The following DPP10 variants were observed in gnomAD, a reference collection of about 807,000 sequenced individuals.
DPP10 encodes the protein inactive dipeptidyl peptidase 10.
In DPP10, 33 loss-of-function variants were observed where a neutral mutation model predicts 120.9. The ratio of observed to expected loss-of-function variants is 0.27; its 90% CI spans 0.21 to 0.37. The LOEUF (loss-of-function observed/expected upper bound fraction) is 0.37, where lower values mean the gene tolerates loss of function less well. DPP10 is among the 10% of genes least tolerant of loss of function. The pLI, the probability that DPP10 is intolerant of heterozygous loss-of-function variation, is 1.00. For missense variants in DPP10, 816 were observed against 942.8 expected, an observed-to-expected ratio of 0.87 and a Z score of 1.76; for synonymous variants, 337 against 326.1, an observed-to-expected ratio of 1.03 and a Z score of -0.36.
intron 1 of DPP10, among the ~76,000 whole-genome samples, chr2:114,654,216 C>T (rs1028620272): frequency 1.3e-5 from 2 of 152,162 alleles, no homozygotes; most frequent in Admixed American, 1.3e-4. Context: ...GTTTCTGCTT[C>T]TACTTAGGTT....
At chr2:115,647,499 A>G (rs1209469278) in intron 5 of DPP10, among the ~76,000 whole-genome samples, 1 of 152,152 alleles carries the variant, frequency 6.6e-6, no homozygotes, top group Non-Finnish European at 1.5e-5. Context: ...AAATGTTTAA[A>G]CAATAACAAG....
At chr2:114,680,288 T>G (rs924616223) in intron 1 of DPP10, among the ~76,000 whole-genome samples, 6 of 152,020 alleles carry the variant, frequency 3.9e-5, no homozygotes, top group East Asian at 3.9e-4. Context: ...GTTTATGATT[T>G]TGTAATCACT....
At chr2:114,732,945 CTCTA>C (rs1677058096) in intron 1 of DPP10, among the ~76,000 whole-genome samples, 1 of 152,152 alleles carries the variant, frequency 6.6e-6, no homozygotes, top group Non-Finnish European at 1.5e-5. Flanking sequence ...GAGATAGAAA[CTCTA>C]TCTGACGTCA....
chr2:114,597,839 G>C (rs1273130739), intron 1 of DPP10, among the ~76,000 whole-genome samples: 1 of 151,866 alleles, frequency 6.6e-6, no homozygotes. Flanking sequence ...GTTGCTACCA[G>C]TGTCACAGAA....
chr2:115,773,751 C>A (rs1403154744), intron 13 of DPP10, among the ~76,000 whole-genome samples: 1 of 152,032 alleles, frequency 6.6e-6, no homozygotes, highest in Non-Finnish European at 1.5e-5. Context: ...GTACAAACAT[C>A]CCCTTGTGAA....
intron 19 of DPP10, among the ~76,000 whole-genome samples, chr2:115,803,130 A>T (rs906562425): frequency 6.6e-6 from 1 of 152,102 alleles, no homozygotes. Flanking sequence ...TTGGGTGTAT[A>T]TATATTTAGG....
chr2:115,485,339 G>A (rs565843890), intron 3 of DPP10, among the ~76,000 whole-genome samples: 6 of 151,098 alleles, frequency 4.0e-5, no homozygotes, highest in Non-Finnish European at 7.4e-5. Context: ...CAAAGTTATT[G>A]CCTCATTTCC....
chr2:115,785,743 A>T (rs994152736), intron 17 of DPP10, among the ~76,000 whole-genome samples: 1 of 151,376 alleles, frequency 6.6e-6, no homozygotes, highest in African/African-American at 2.4e-5. Flanking sequence ...TAGGCTATGT[A>T]GCAGTCTATT....
intron 1 of DPP10, among the ~76,000 whole-genome samples, chr2:114,902,438 A>G (rs1693656701): frequency 6.6e-6 from 1 of 152,192 alleles, no homozygotes; most frequent in African/African-American, 2.4e-5. Context: ...CTGTTTTCCA[A>G]TCCTGGTACT....
intron 5 of DPP10, among the ~76,000 whole-genome samples, chr2:115,614,229 C>A (rs547287181): frequency 6.6e-6 from 1 of 152,272 alleles, no homozygotes; most frequent in Non-Finnish European, 1.5e-5. Context: ...TGAGTCACAA[C>A]AAGGTTATTG....
intron 1 of DPP10, among the ~76,000 whole-genome samples, chr2:115,220,172 C>T (rs1282346834): frequency 6.6e-6 from 1 of 152,054 alleles, no homozygotes. Context: ...GTTACTGTTC[C>T]AAACCAGATT....
At chr2:115,067,404 A>C (rs2105429890) in intron 1 of DPP10, among the ~76,000 whole-genome samples, 1 of 151,094 alleles carries the variant, frequency 6.6e-6, no homozygotes, top group African/African-American at 2.4e-5. Flanking sequence ...GGCGCCCGCC[A>C]CCACGCCCGG....
chr2:114,727,314 T>C (rs1676429257), intron 1 of DPP10, among the ~76,000 whole-genome samples: 1 of 152,168 alleles, frequency 6.6e-6, no homozygotes, highest in African/African-American at 2.4e-5. Flanking sequence ...AGACTCTTCC[T>C]CGAGGCTGGT....
At chr2:114,705,784 G>A (rs1700650413) in intron 1 of DPP10, among the ~76,000 whole-genome samples, 1 of 152,188 alleles carries the variant, frequency 6.6e-6, no homozygotes, top group Non-Finnish European at 1.5e-5. Flanking sequence ...AGTATAAGCA[G>A]ACTTAAATAA....
intron 21 of DPP10, among the ~76,000 whole-genome samples, chr2:115,835,598 C>T (rs1457176809): frequency 1.3e-5 from 2 of 152,110 alleles, no homozygotes; most frequent in Non-Finnish European, 2.9e-5. Context: ...CCAAATAATC[C>T]TAAGCCAGAG....
intron 1 of DPP10, among the ~76,000 whole-genome samples, chr2:114,592,223 G>A (rs938502714): frequency 3.9e-5 from 6 of 152,154 alleles, no homozygotes; most frequent in Admixed American, 6.5e-5. Flanking sequence ...AAGAATGTAA[G>A]CAGCAGAAAG....
chr2:115,743,349 T>C (rs1677527974), intron 9 of DPP10, among the ~76,000 whole-genome samples: 1 of 152,128 alleles, frequency 6.6e-6, no homozygotes, highest in Non-Finnish European at 1.5e-5. Flanking sequence ...CTGGCCACAT[T>C]GTGTGCACAA....
intron 1 of DPP10, among the ~76,000 whole-genome samples, chr2:114,620,066 T>C (rs1424537554): frequency 1.1e-4 from 17 of 151,990 alleles, no homozygotes; most frequent in South Asian, 2.1e-4. Context: ...CTACAACTTA[T>C]TATGTTAAAT....
At chr2:114,974,318 C>T (rs1029717956) in intron 1 of DPP10, among the ~76,000 whole-genome samples, 1 of 152,016 alleles carries the variant, frequency 6.6e-6, no homozygotes, top group Non-Finnish European at 1.5e-5. Flanking sequence ...TTACAATTGC[C>T]TGCATTATTC....
Sources: gnomAD v4.1 joint callset for allele counts (sites outside exome capture counted in the v4.1 genomes callset) on GRCh38, gnomAD v4.1.1 for gene constraint, MANE v1.5 for transcripts, NCBI Gene and HGNC (gene_info 2026-07-23, HGNC 2026-07-21) for gene names.